Variants in ROBO1 observed in about 807,000 individuals in gnomAD.
ROBO1 encodes the protein roundabout homolog 1.
ROBO1 carries 149 observed loss-of-function variants against 195.9 expected under a neutral mutation model. That is an observed-to-expected ratio of 0.76 (90% CI 0.67 to 0.87). The LOEUF (loss-of-function observed/expected upper bound fraction) is 0.87, where lower values mean the gene tolerates loss of function less well. Among genes scored for constraint, ROBO1 ranks in the 40% least tolerant of loss-of-function variants. ROBO1 has a pLI of 0.00. For missense variants in ROBO1, 1,933 were observed against 2,068.3 expected (o/e 0.93, Z 1.27); for synonymous variants, 816 against 733.2 (o/e 1.11, Z -1.82).
At chr3:79,084,667 T>A (rs1335924294) in intron 3 of ROBO1, among the ~76,000 whole-genome samples, 1 of 152,200 alleles carries the variant, frequency 6.6e-6, no homozygotes, top group Non-Finnish European at 1.5e-5. Context: ...AAATAATTTG[T>A]CAAAATTCAC....
intron 1 of ROBO1, among the ~76,000 whole-genome samples, chr3:79,766,330 G>A (rs907254091): frequency 6.6e-6 from 1 of 151,344 alleles, no homozygotes; most frequent in African/African-American, 2.4e-5. Context: ...TTTCTTGGGG[G>A]CGCAGGTCCT....
chr3:79,233,797 A>G (rs2082360068), intron 2 of ROBO1, among the ~76,000 whole-genome samples: 2 of 152,114 alleles, frequency 1.3e-5, no homozygotes, highest in African/African-American at 4.8e-5. Context: ...ACTAATTTAC[A>G]TTACCACCAA....
In ROBO1 at chr3:79,633,888, T is replaced by A. The variant is rs371134940; in HGVS notation, c.-50-43927A>T. Among the ~76,000 whole-genome samples, 42 of 152,220 alleles carry A rather than the reference T, an allele frequency of 2.8e-4. No homozygotes were observed. The South Asian group carries it at 7.9e-3, about 29-fold the overall frequency. The stretch of plus-strand genomic sequence containing the variant: ...CCATCTCTGTGGTTCAGATATAATC[T>A]GATTGTAGCTGGCAATTCTGAAGGA... On this transcript the variant is annotated intron_variant, in intron 1 of 30. Coordinates refer to ENST00000464233, the MANE Select transcript of ROBO1 (RefSeq NM_002941.4).
intron 4 of ROBO1, among the ~76,000 whole-genome samples, chr3:78,901,418 G>A (rs745615909): frequency 3.3e-5 from 5 of 152,034 alleles, no homozygotes; most frequent in African/African-American, 4.8e-5. Flanking sequence ...AATAACGGAT[G>A]GGAGTATGCC....
chr3:78,930,620 C>T (rs569547499), intron 4 of ROBO1, among the ~76,000 whole-genome samples: 1 of 152,296 alleles, frequency 6.6e-6, no homozygotes, highest in Non-Finnish European at 1.5e-5. Context: ...TGACCTTGAC[C>T]TTGTCATCAA....
chr3:79,256,544 T>A (rs1301971452), intron 2 of ROBO1, among the ~76,000 whole-genome samples: 1 of 152,156 alleles, frequency 6.6e-6, no homozygotes, highest in Non-Finnish European at 1.5e-5. Flanking sequence ...GATACAACTT[T>A]CATTAATAAG....
intron 5 of ROBO1, among the ~76,000 whole-genome samples, chr3:78,744,687 G>C (rs2082614366): frequency 6.6e-6 from 1 of 151,996 alleles, no homozygotes; most frequent in African/African-American, 2.4e-5. Context: ...CACTTGTATA[G>C]TTGATTCCAT....
chr3:79,068,748 T>C (rs1310929890), intron 3 of ROBO1, among the ~76,000 whole-genome samples: 1 of 151,870 alleles, frequency 6.6e-6, no homozygotes, highest in Non-Finnish European at 1.5e-5. Context: ...AAAAAAATCA[T>C]CGCCTTATCA....
intron 3 of ROBO1, among the ~76,000 whole-genome samples, chr3:78,943,842 C>G (rs1393844790): frequency 6.6e-6 from 1 of 152,124 alleles, no homozygotes; most frequent in Non-Finnish European, 1.5e-5. Flanking sequence ...GAGGTTATGA[C>G]AAAATACAGA....
At chr3:79,000,215 G>A (rs948081456) in intron 3 of ROBO1, among the ~76,000 whole-genome samples, 2 of 152,130 alleles carry the variant, frequency 1.3e-5, no homozygotes, top group African/African-American at 2.4e-5. Flanking sequence ...AAGGAGAAGT[G>A]CACAGCAAAA....
intron 3 of ROBO1, among the ~76,000 whole-genome samples, chr3:78,972,062 G>A (rs3890510): frequency 0.056 from 8,492 of 152,196 alleles, 264 homozygotes; most frequent in Middle Eastern, 0.1. Context: ...CGCCGCGCCC[G>A]GCCTTAAATC....
chr3:79,622,807 C>A (rs1945050617), intron 1 of ROBO1, among the ~76,000 whole-genome samples: 1 of 152,168 alleles, frequency 6.6e-6, no homozygotes. Flanking sequence ...CCCCCTCCAC[C>A]AAAGGACAAA....
chr3:79,673,282 G>T (rs974883031), intron 1 of ROBO1, among the ~76,000 whole-genome samples: 1 of 151,902 alleles, frequency 6.6e-6, no homozygotes, highest in Non-Finnish European at 1.5e-5. Context: ...AATTCATCAA[G>T]AATTCTCTTG....
At position 79,290,851 on chromosome 3, in the gene ROBO1, C is replaced by T. The variant is rs944182305; in HGVS notation, c.89-165312G>A. 4.6e-5 allele frequency among the ~76,000 whole-genome samples: 7 copies of T among 152,120 alleles called. No homozygotes were observed. In the South Asian group the frequency reaches 6.2e-4, roughly 13 times the overall value. On this transcript the variant is annotated intron_variant, in intron 2 of 30. Transcript: ENST00000464233. The stretch of plus-strand genomic sequence containing the variant: ...AGCTATATCCCATTTGGTTATACTA[C>T]TTTTCCCCTATGCTGTCATCTAATT...
intron 3 of ROBO1, among the ~76,000 whole-genome samples, chr3:79,098,429 A>G (rs188065030): frequency 1.3e-5 from 2 of 151,938 alleles, no homozygotes; most frequent in African/African-American, 4.8e-5. Context: ...TGTATTAGGC[A>G]TGCTGAAAAA....
intron 1 of ROBO1, among the ~76,000 whole-genome samples, chr3:79,725,896 C>T (rs1702902875): frequency 7.0e-6 from 1 of 142,888 alleles, no homozygotes; most frequent in Non-Finnish European, 1.5e-5. Context: ...AGCTTACATA[C>T]AGACACTTAA....
At chr3:78,656,600 C>T (rs1471833408) in intron 18 of ROBO1, among the ~76,000 whole-genome samples, 1 of 152,048 alleles carries the variant, frequency 6.6e-6, no homozygotes, top group East Asian at 1.9e-4. Context: ...ATTTGCCTGC[C>T]TCGGCCTCCC....
chr3:79,166,668 C>T (rs924828754), intron 2 of ROBO1, among the ~76,000 whole-genome samples: 49 of 151,386 alleles, frequency 3.2e-4, no homozygotes, highest in African/African-American at 1.2e-3. Context: ...CGGGTTCGCG[C>T]CATTCTCCTG....
At chr3:78,704,601 CACACACACACACAG>C (rs894014447) in intron 8 of ROBO1, among the ~76,000 whole-genome samples, 9 of 145,962 alleles carry the variant, frequency 6.2e-5, no homozygotes, top group Non-Finnish European at 1.2e-4. Flanking sequence ...CACATACACA[CACACACACACACAG>C]ACACACACAC....
Sources: allele counts gnomAD v4.1 joint callset (sites outside exome capture counted in the v4.1 genomes callset), GRCh38; gene constraint gnomAD v4.1.1; transcripts MANE v1.5; gene names NCBI Gene and HGNC (gene_info 2026-07-23, HGNC 2026-07-21).